LYRM7: variants seen among roughly 807,000 people sequenced by gnomAD.
The protein encoded by LYRM7 is LYR motif containing 7, also known as complex III assembly factor LYRM7.
A neutral mutation model predicts 15.8 loss-of-function variants in LYRM7; 9 were observed. That is an observed-to-expected ratio of 0.57 (90% CI 0.34 to 0.99). LYRM7 has a LOEUF of 0.99. LYRM7 is among the 50% of genes least tolerant of loss of function. LYRM7 has a pLI of 0.02. For missense variants in LYRM7, 115 were observed against 119.1 expected (o/e 0.97, Z 0.16); for synonymous variants, 39 against 39.4 (o/e 0.99, Z 0.04).
rs530786611 is a variant in LYRM7, at chr5:131,196,812, C to T, written c.245-2719C>T. 3.9e-4 allele frequency among the ~76,000 whole-genome samples: 59 copies of T among 152,084 alleles called. No homozygotes were observed. The South Asian group carries it at 0.012, about 31-fold the overall frequency. On this transcript the variant is annotated intron_variant, in intron 4 of 4. Coordinates refer to ENST00000379380, the MANE Select transcript of LYRM7 (RefSeq NM_181705.4). ...CTCCCTGGTAGCTGGTGCCTGCCAC[C>T]ACGCCCAGCTAATTTTTGTATTTTT...
chr5:131,188,330 T>C (rs564082685), intron 4 of LYRM7, among the ~76,000 whole-genome samples: 1 of 150,698 alleles, frequency 6.6e-6, no homozygotes, highest in Non-Finnish European at 1.5e-5. Context: ...AAAAAAGTAC[T>C]CAATTTGTAA....
At chr5:131,182,409 G>A in intron 3 of LYRM7, 110 bp downstream of exon 3, 1 of 1,037,818 alleles carries the variant, frequency 9.6e-7, no homozygotes, top group African/African-American at 1.7e-5. Flanking sequence ...TGATAGTTAA[G>A]GCCATCACAA....
rs528562579 is a variant in LYRM7 at position 131,189,412 on chromosome 5, C to A, written c.244+2303C>A. 3.8e-3 allele frequency among the ~76,000 whole-genome samples: 456 copies of A among 121,116 alleles called. 5 individuals carry two copies. Among genetic ancestry groups the A allele is most frequent in the Admixed American group, 0.019 (171 of 8,778 alleles). 79.5% of individuals were successfully genotyped at this position (121,116 alleles called of 152,430 possible). On this transcript the variant is annotated intron_variant, in intron 4 of 4. Transcript: ENST00000379380. Reference sequence around the variant, plus strand: ...GAGTCAAGATCGAGCCACTGCCCTGCAGCCTGGGCAACAGAGCAAGACTCC... The same window carrying A: ...GAGTCAAGATCGAGCCACTGCCCTGAAGCCTGGGCAACAGAGCAAGACTCC...
intron 4 of LYRM7, among the ~76,000 whole-genome samples, chr5:131,192,954 A>C (rs1003963473): frequency 2.0e-5 from 3 of 152,020 alleles, no homozygotes; most frequent in Admixed American, 2.0e-4. Context: ...TCATTCGTAC[A>C]AATTTATGAT....
intron 1 of LYRM7, among the ~76,000 whole-genome samples, chr5:131,175,194 T>TCC (rs1412176815): frequency 1.5e-5 from 2 of 132,692 alleles, no homozygotes; most frequent in Non-Finnish European, 3.0e-5. Flanking sequence ...CCAGCTTCAA[T>TCC]CTCTTTTTTT....
chr5:131,179,374 T>A (rs1755652227), intron 1 of LYRM7, among the ~76,000 whole-genome samples: 1 of 151,850 alleles, frequency 6.6e-6, no homozygotes, highest in Non-Finnish European at 1.5e-5. Flanking sequence ...TACTGTTTAA[T>A]CCTTATAATA....
At chr5:131,180,433 A>G (rs1298062321) in intron 2 of LYRM7, among the ~76,000 whole-genome samples, 1 of 152,188 alleles carries the variant, frequency 6.6e-6, no homozygotes. Context: ...TGCTTGCCTT[A>G]TATTCAAGCC....
chr5:131,183,318 T>C (rs1755742834), intron 3 of LYRM7, among the ~76,000 whole-genome samples: 2 of 152,168 alleles, frequency 1.3e-5, no homozygotes, highest in African/African-American at 4.8e-5. Flanking sequence ...TTTTTATTCA[T>C]GGCAGAAATT....
At chr5:131,187,483 GT>G (rs67748558) in intron 4 of LYRM7, among the ~76,000 whole-genome samples, 11,024 of 142,778 alleles carry the variant, frequency 0.077, 1,091 homozygotes, top group African/African-American at 0.24. Flanking sequence ...TTTTGTTTTT[GT>G]TTTTTTTTTG....
chr5:131,198,306 G>A (rs73786625), intron 4 of LYRM7, among the ~76,000 whole-genome samples: 4,707 of 152,030 alleles, frequency 0.031, 263 homozygotes, highest in African/African-American at 0.11. Flanking sequence ...GTATTTTATG[G>A]CAAAAGGAAA....
rs532211793 is a variant in LYRM7, at chr5:131,199,511, CT to C, written c.245-8del. 81,079 of 1,128,846 alleles carry C rather than the reference CT, an allele frequency of 0.072. 297 individuals are homozygous for C. The highest frequency in any genetic ancestry group is 0.12 in the Middle Eastern group (473 of 4,008). The allele number at this position is 1,128,846 out of a possible 1,614,324, so 69.9% of individuals were successfully genotyped here. A position where few individuals can be genotyped will look rare whatever the true frequency, so the allele number is the denominator to read the frequency against. On this transcript the variant is annotated intron_variant, in intron 4 of 4. Transcript: ENST00000379380. ...TAATTTTAGTGATGTTAATTATTCT[CT>C]TTTTTTTTTTTCTTTCAGAACTGGT... is the stretch of plus-strand genomic sequence containing the variant.
At chr5:131,198,647 A>G (rs975043570) in intron 4 of LYRM7, among the ~76,000 whole-genome samples, 1 of 151,550 alleles carries the variant, frequency 6.6e-6, no homozygotes, top group African/African-American at 2.4e-5. Flanking sequence ...ACTCACTGCA[A>G]CCTCCGCCTC....
intron 4 of LYRM7, among the ~76,000 whole-genome samples, chr5:131,190,196 G>A (rs765214232): frequency 1.8e-4 from 27 of 150,944 alleles, no homozygotes; most frequent in African/African-American, 3.9e-4. Flanking sequence ...TGGTTTTTTC[G>A]TTTTGTTTTG....
chr5:131,196,199 G>C (rs1032114936), intron 4 of LYRM7, among the ~76,000 whole-genome samples: 1 of 150,776 alleles, frequency 6.6e-6, no homozygotes, highest in African/African-American at 2.4e-5. Context: ...AGCCTCCCGG[G>C]TTCAAGCGAT....
chr5:131,202,616 A>G lies in LYRM7; in HGVS notation c.*3015A>G, dbSNP rs975483185. ...AGCCTAGAATTTCTGACCTCAAGCA[A>G]TCATCCTGCCTCAGCCTCCTAAGTA... On this transcript the variant is annotated 3_prime_UTR_variant, in exon 5 of 5. Transcript: ENST00000379380. 6.5e-6 allele frequency: 1 copy of G among 152,726 alleles called. No homozygotes were observed. The highest frequency in any genetic ancestry group is 6.5e-5 in the Admixed American group (1 of 15,280). The allele number at this position is 152,726 out of a possible 1,614,324, so 9.5% of individuals were successfully genotyped here. A position where few individuals can be genotyped will look rare whatever the true frequency, so the allele number is the denominator to read the frequency against.
At chr5:131,181,359 AT>A (rs1354412030) in intron 2 of LYRM7, among the ~76,000 whole-genome samples, 3 of 37,822 alleles carry the variant, frequency 7.9e-5, no homozygotes, top group African/African-American at 2.2e-4. Flanking sequence ...TTATATATAT[AT>A]TAACATATAT....
intron 4 of LYRM7, among the ~76,000 whole-genome samples, chr5:131,187,777 C>T (rs757889613): frequency 1.1e-4 from 17 of 152,054 alleles, no homozygotes; most frequent in Admixed American, 2.6e-4. Context: ...TGAGCCATTG[C>T]ACCTGGCCTA....
rs1756129848 is a variant in LYRM7, at chr5:131,204,254, ACAT to A, written c.*4659_*4661del. ...TAGGGCCTTTTTGAAAGGAAAATTGACATCATCAAAATTTTAAATATATTCAGT... is the reference window on the plus strand; with the variant it reads ...TAGGGCCTTTTTGAAAGGAAAATTGACATCAAAATTTTAAATATATTCAGT... On this transcript the variant is annotated 3_prime_UTR_variant, in exon 5 of 5. Coordinates refer to ENST00000379380, the MANE Select transcript of LYRM7 (RefSeq NM_181705.4). 6.6e-6 allele frequency: 1 copy of A among 152,072 alleles called. No homozygotes were observed. Among genetic ancestry groups the A allele is most frequent in the Admixed American group, 6.6e-5 (1 of 15,262 alleles). 9.4% of individuals were successfully genotyped at this position (152,072 alleles called of 1,614,324 possible).
chr5:131,194,069 G>T (rs775141038), intron 4 of LYRM7, among the ~76,000 whole-genome samples: 2 of 152,016 alleles, frequency 1.3e-5, no homozygotes, highest in Non-Finnish European at 2.9e-5. Context: ...TAGATAAGGC[G>T]TTTCAGGGGC....
Sources: gnomAD v4.1 joint callset for allele counts (sites outside exome capture counted in the v4.1 genomes callset) on GRCh38, gnomAD v4.1.1 for gene constraint, MANE v1.5 for transcripts, NCBI Gene and HGNC (gene_info 2026-07-23, HGNC 2026-07-21) for gene names.